EXT1: variants seen among roughly 807,000 people sequenced by gnomAD.
EXT1 encodes exostosin glycosyltransferase 1.
Under a neutral mutation model 82.5 loss-of-function variants are expected in EXT1, and 20 were observed. That is an observed-to-expected ratio of 0.24 (90% CI 0.17 to 0.35). The LOEUF (loss-of-function observed/expected upper bound fraction) is 0.35, where lower values mean the gene tolerates loss of function less well. Ranked by LOEUF, EXT1 falls within the 10% of genes least tolerant of loss-of-function variation. EXT1 has a pLI of 1.00. For synonymous variants in EXT1, 348 were observed against 350.8 expected, an observed-to-expected ratio of 0.99 and a Z score of 0.09; for missense variants, 757 against 936.5, an observed-to-expected ratio of 0.81 and a Z score of 2.50.
chr8:117,931,134 A>T (rs1233054936), intron 1 of EXT1, among the ~76,000 whole-genome samples: 1 of 152,252 alleles, frequency 6.6e-6, no homozygotes, highest in Non-Finnish European at 1.5e-5. Flanking sequence ...AAAAATAGGC[A>T]ATCAACAGTC....
At chr8:117,814,147 G>T (rs1029927578) in intron 7 of EXT1, among the ~76,000 whole-genome samples, 1 of 152,026 alleles carries the variant, frequency 6.6e-6, no homozygotes, top group Admixed American at 6.6e-5. Flanking sequence ...ATGATCCATG[G>T]ATTTAGAAAA....
intron 1 of EXT1, among the ~76,000 whole-genome samples, chr8:118,014,015 T>C (rs969713817): frequency 2.0e-5 from 3 of 152,204 alleles, no homozygotes; most frequent in Non-Finnish European, 2.9e-5. Flanking sequence ...ACTGCCTGAA[T>C]CTTGCTTTAC....
chr8:118,073,492 G>A (rs2514716), intron 1 of EXT1, among the ~76,000 whole-genome samples: 46,593 of 152,042 alleles, frequency 0.31, 7,742 homozygotes, highest in East Asian at 0.49. Flanking sequence ...ATGATGGCAC[G>A]TGCCTGTAAT....
At chr8:118,007,290 C>T (rs1815799558) in intron 1 of EXT1, among the ~76,000 whole-genome samples, 1 of 151,722 alleles carries the variant, frequency 6.6e-6, no homozygotes, top group Admixed American at 6.6e-5. Context: ...CAGCGAGACA[C>T]CATCTCAAAA....
At chr8:118,039,430 C>T (rs1430328684) in intron 1 of EXT1, among the ~76,000 whole-genome samples, 1 of 151,644 alleles carries the variant, frequency 6.6e-6, no homozygotes, top group African/African-American at 2.4e-5. Context: ...CCTAAGGGTG[C>T]ACGCCTGTAA....
intron 1 of EXT1, among the ~76,000 whole-genome samples, chr8:117,944,875 C>G (rs181979108): frequency 3.3e-5 from 5 of 152,100 alleles, no homozygotes; most frequent in Admixed American, 2.6e-4. Flanking sequence ...AAAAATAGAT[C>G]ATCTCGGCCA....
intron 1 of EXT1, among the ~76,000 whole-genome samples, chr8:118,060,481 T>C (rs751499418): frequency 3.9e-5 from 6 of 152,182 alleles, no homozygotes; most frequent in Admixed American, 3.3e-4. Context: ...ATTCCACTCA[T>C]AACATCTACC....
intron 1 of EXT1, among the ~76,000 whole-genome samples, chr8:118,084,379 C>T (rs1006379198): frequency 2.6e-5 from 4 of 152,220 alleles, no homozygotes; most frequent in Non-Finnish European, 5.9e-5. Flanking sequence ...TACCATAGTA[C>T]TTGTCATAAT....
In EXT1 at chr8:117,861,761, G is replaced by T. The variant is rs1381696877; in HGVS notation, c.963-24560C>A. On this transcript the variant is annotated intron_variant, in intron 1 of 10. Transcript: ENST00000378204. ...TCCACCCACCTCAGCCTCCCAGAGT[G>T]CTGAGATTAGAGATGTGAGCCACTG... Among the ~76,000 whole-genome samples, 3 of 144,590 alleles carry T rather than the reference G, an allele frequency of 2.1e-5. 1 individual carries two copies. Among genetic ancestry groups the T allele is most frequent in the African/African-American group, 7.3e-5 (3 of 40,916 alleles). The allele number at this position is 144,590 out of a possible 152,430, so 94.9% of individuals were successfully genotyped here. A position where few individuals can be genotyped will look rare whatever the true frequency, so the allele number is the denominator to read the frequency against.
At chr8:118,082,846 C>T (rs1817355822) in intron 1 of EXT1, among the ~76,000 whole-genome samples, 1 of 152,248 alleles carries the variant, frequency 6.6e-6, no homozygotes, top group South Asian at 2.1e-4. Flanking sequence ...TTTTAATTTC[C>T]CTCACTCATT....
At chr8:118,106,948 A>G (rs1213613269) in intron 1 of EXT1, among the ~76,000 whole-genome samples, 3 of 152,252 alleles carry the variant, frequency 2.0e-5, no homozygotes, top group Non-Finnish European at 1.5e-5. Context: ...AAAAAATGAC[A>G]AAAGAAATTT....
intron 1 of EXT1, among the ~76,000 whole-genome samples, chr8:117,914,471 C>A (rs1461179442): frequency 6.6e-6 from 1 of 152,006 alleles, no homozygotes; most frequent in Admixed American, 6.6e-5. Flanking sequence ...TGACTGCCTG[C>A]GGGGTTGGGC....
chr8:117,852,015 C>A (rs1195661387), intron 1 of EXT1, among the ~76,000 whole-genome samples: 1 of 152,184 alleles, frequency 6.6e-6, no homozygotes, highest in Non-Finnish European at 1.5e-5. Context: ...ATTACATGCC[C>A]AACTCTCTGC....
intron 1 of EXT1, among the ~76,000 whole-genome samples, chr8:117,991,710 T>C (rs111902449): frequency 1.4e-4 from 22 of 152,184 alleles, no homozygotes; most frequent in Non-Finnish European, 2.8e-4. Context: ...TACAGGCACA[T>C]ACCACCACAC....
intron 1 of EXT1, among the ~76,000 whole-genome samples, chr8:117,853,282 C>T (rs780583015): frequency 6.6e-5 from 10 of 152,276 alleles, no homozygotes; most frequent in East Asian, 3.9e-4. Flanking sequence ...TGGTGTCTCA[C>T]GCCTGTGATC....
chr8:118,014,843 A>G (rs932765613), intron 1 of EXT1, among the ~76,000 whole-genome samples: 1 of 151,966 alleles, frequency 6.6e-6, no homozygotes, highest in Non-Finnish European at 1.5e-5. Context: ...ACACAAGCAG[A>G]CTCACCTTCC....
At chr8:117,889,050 T>C (rs894544127) in intron 1 of EXT1, among the ~76,000 whole-genome samples, 19 of 152,300 alleles carry the variant, frequency 1.2e-4, no homozygotes, top group African/African-American at 4.6e-4. Context: ...GAAAGTGTTA[T>C]TTCCAAGGGA....
At chr8:118,025,934 A>G (rs1418770710) in intron 1 of EXT1, among the ~76,000 whole-genome samples, 1 of 152,194 alleles carries the variant, frequency 6.6e-6, no homozygotes, top group African/African-American at 2.4e-5. Context: ...ATCCAGGCAT[A>G]TCAATCTCTG....
At chr8:117,942,982 G>A (rs554912398) in intron 1 of EXT1, among the ~76,000 whole-genome samples, 14 of 152,226 alleles carry the variant, frequency 9.2e-5, no homozygotes, top group African/African-American at 3.1e-4. Context: ...ACTCTCAAAC[G>A]TCTTTTTGAA....
Sources: gnomAD v4.1 joint callset for allele counts (sites outside exome capture counted in the v4.1 genomes callset) on GRCh38, gnomAD v4.1.1 for gene constraint, MANE v1.5 for transcripts, NCBI Gene and HGNC (gene_info 2026-07-23, HGNC 2026-07-21) for gene names.